Variants in CHRM3 observed in about 807,000 individuals in gnomAD.
The protein encoded by CHRM3 is muscarinic acetylcholine receptor M3.
In CHRM3, 11 loss-of-function variants were observed where a neutral mutation model predicts 41.8. The ratio of observed to expected loss-of-function variants is 0.26; its 90% CI spans 0.17 to 0.44. The LOEUF is 0.44. Among genes scored for constraint, CHRM3 ranks in the 20% least tolerant of loss-of-function variants. The pLI is 1.00. For missense variants in CHRM3, 571 were observed against 745.4 expected (o/e 0.77, Z 2.72); for synonymous variants, 297 against 301.4 (o/e 0.99, Z 0.15).
chr1:239,734,273 A>G (rs1419248176), intron 5 of CHRM3, among the ~76,000 whole-genome samples: 2 of 152,046 alleles, frequency 1.3e-5, no homozygotes, highest in East Asian at 3.9e-4. Flanking sequence ...ATCTTGTTGC[A>G]CCAGATACTT....
chr1:239,421,527 G>T (rs942328333), intron 1 of CHRM3, among the ~76,000 whole-genome samples: 1 of 152,106 alleles, frequency 6.6e-6, no homozygotes, highest in Non-Finnish European at 1.5e-5. Flanking sequence ...AAAATGCCCT[G>T]CACCTGATGT....
At chr1:239,709,000 A>AC (rs1279934929) in intron 5 of CHRM3, among the ~76,000 whole-genome samples, 1 of 150,020 alleles carries the variant, frequency 6.7e-6, no homozygotes, top group African/African-American at 2.4e-5. Flanking sequence ...ATAGTCTTCC[A>AC]CCCCCTCCCC....
intron 2 of CHRM3, among the ~76,000 whole-genome samples, chr1:239,508,022 T>C (rs1401569316): frequency 6.6e-6 from 1 of 152,202 alleles, no homozygotes; most frequent in African/African-American, 2.4e-5. Flanking sequence ...CAGAAAATAT[T>C]AATTCTGACT....
At chr1:239,890,441 G>A (rs1295593727) in intron 6 of CHRM3, among the ~76,000 whole-genome samples, 1 of 152,046 alleles carries the variant, frequency 6.6e-6, no homozygotes, top group Non-Finnish European at 1.5e-5. Flanking sequence ...CTAGTCAAAT[G>A]TTCCTCAAGC....
Position 239,469,763 on chromosome 1 carries a change from G to A in CHRM3, c.-520-22946G>A, listed in dbSNP as rs377090211. On this transcript the variant is annotated intron_variant, in intron 1 of 6. Coordinates refer to ENST00000676153, the MANE Select transcript of CHRM3 (RefSeq NM_001375978.1). The stretch of plus-strand genomic sequence containing the variant: ...GTAGAGAGGTGGTTTCACCATGTTG[G>A]CCAGGGTGGTCCCAAGTTCCTGACC... 8.8e-4 allele frequency among the ~76,000 whole-genome samples: 134 copies of A among 152,176 alleles called. 2 individuals carry two copies. The South Asian group carries it at 0.027, about 31-fold the overall frequency.
intron 1 of CHRM3, among the ~76,000 whole-genome samples, chr1:239,460,236 A>G (rs1462008161): frequency 6.6e-6 from 1 of 152,188 alleles, no homozygotes; most frequent in African/African-American, 2.4e-5. Context: ...CAAACATAAA[A>G]GGGACCAGAG....
intron 3 of CHRM3, among the ~76,000 whole-genome samples, chr1:239,602,101 T>TGTGTGTGTGTGTGTGG: frequency 7.5e-6 from 1 of 133,688 alleles, no homozygotes; most frequent in African/African-American, 3.3e-5. Flanking sequence ...TGTGTGTGTG[T>TGTGTGTGTGTGTGTGG]GTGTGTGTGT....
At chr1:239,497,296 C>A (rs1238301248) in intron 2 of CHRM3, among the ~76,000 whole-genome samples, 1 of 152,052 alleles carries the variant, frequency 6.6e-6, no homozygotes, top group Non-Finnish European at 1.5e-5. Context: ...AAAAGTAAGT[C>A]AATTAAGTAC....
Position 239,867,502 on chromosome 1 carries a change from A to G in CHRM3, c.-19-39931A>G, listed in dbSNP as rs566390679. Reference sequence around the variant, plus strand: ...CAGGAATTCGAGACCAGCCTGGCCAACATGGTGAAACCCTGTCTACTAAAA... The same window carrying G: ...CAGGAATTCGAGACCAGCCTGGCCAGCATGGTGAAACCCTGTCTACTAAAA... On this transcript the variant is annotated intron_variant, in intron 6 of 6. Coordinates refer to ENST00000676153, the MANE Select transcript of CHRM3 (RefSeq NM_001375978.1). 3.9e-5 allele frequency among the ~76,000 whole-genome samples: 6 copies of G among 152,234 alleles called. No individual in the cohort carries two copies. In the South Asian group the frequency reaches 1.2e-3, roughly 32 times the overall value.
At position 239,739,660 on chromosome 1, in the gene CHRM3, T is replaced by A. The variant is rs537638928; in HGVS notation, c.-147+61372T>A. On this transcript the variant is annotated intron_variant, in intron 5 of 6. Transcript: ENST00000676153. The stretch of plus-strand genomic sequence containing the variant: ...ATATGCTCAGATAGCCTCAGTCACA[T>A]GCTGGAGGATTTTTTTTTTAATGTT... 3.2e-4 allele frequency among the ~76,000 whole-genome samples: 49 copies of A among 152,300 alleles called. 1 individual carries two copies. In the South Asian group the frequency reaches 7.3e-3, roughly 23 times the overall value.
At chr1:239,743,685 C>A (rs563937236) in intron 5 of CHRM3, among the ~76,000 whole-genome samples, 1 of 151,876 alleles carries the variant, frequency 6.6e-6, no homozygotes, top group African/African-American at 2.4e-5. Context: ...ACCAAACCAT[C>A]AACCACTAGG....
chr1:239,652,339 A>T (rs574394050), intron 4 of CHRM3, among the ~76,000 whole-genome samples: 2 of 152,298 alleles, frequency 1.3e-5, no homozygotes, highest in African/African-American at 4.8e-5. Context: ...GCCTTAAAGC[A>T]CATAGATCTT....
intron 3 of CHRM3, among the ~76,000 whole-genome samples, chr1:239,551,654 G>A (rs1365782577): frequency 9.9e-5 from 15 of 151,952 alleles, no homozygotes; most frequent in Non-Finnish European, 2.9e-5. Context: ...TCATACAATT[G>A]TAACATGAAA....
At chr1:239,729,861 C>A (rs1041172154) in intron 5 of CHRM3, among the ~76,000 whole-genome samples, 9 of 151,952 alleles carry the variant, frequency 5.9e-5, no homozygotes, top group Non-Finnish European at 1.0e-4. Flanking sequence ...ACATATTTAA[C>A]AAACTACTAC....
intron 3 of CHRM3, among the ~76,000 whole-genome samples, chr1:239,581,915 C>G (rs1662936769): frequency 2.0e-5 from 3 of 152,082 alleles, no homozygotes; most frequent in Admixed American, 2.0e-4. Context: ...GCAAATTTTG[C>G]CAATTATTTA....
chr1:239,404,442 G>GA (rs1157371540), intron 1 of CHRM3, among the ~76,000 whole-genome samples: 1 of 123,012 alleles, frequency 8.1e-6, no homozygotes, highest in African/African-American at 3.0e-5. Flanking sequence ...AAGAAAGAAA[G>GA]AAAGAAAGAA....
At chr1:239,585,387 C>G (rs1473325932) in intron 3 of CHRM3, among the ~76,000 whole-genome samples, 1 of 152,014 alleles carries the variant, frequency 6.6e-6, no homozygotes, top group Non-Finnish European at 1.5e-5. Flanking sequence ...AGATTTTGAG[C>G]AGTTGTATCT....
At chr1:239,815,784 C>T (rs559072579) in intron 5 of CHRM3, among the ~76,000 whole-genome samples, 1 of 152,140 alleles carries the variant, frequency 6.6e-6, no homozygotes, top group East Asian at 1.9e-4. Flanking sequence ...TGTATTTGAT[C>T]TTGGAGCACA....
At chr1:239,555,237 C>A (rs1233606411) in intron 3 of CHRM3, among the ~76,000 whole-genome samples, 1 of 152,130 alleles carries the variant, frequency 6.6e-6, no homozygotes, top group Admixed American at 6.6e-5. Context: ...GGAAGAAAAG[C>A]AACTCCCAGT....
Sources: gnomAD v4.1 joint callset for allele counts (sites outside exome capture counted in the v4.1 genomes callset) on GRCh38, gnomAD v4.1.1 for gene constraint, MANE v1.5 for transcripts, NCBI Gene and HGNC (gene_info 2026-07-23, HGNC 2026-07-21) for gene names.